AS3MT: variants seen among roughly 807,000 people sequenced by gnomAD.
The protein encoded by AS3MT is S-adenosyl-L-methionine:arsenic(III) methyltransferase.
In AS3MT, 47 loss-of-function variants were observed where a neutral mutation model predicts 45.3. The ratio of observed to expected loss-of-function variants is 1.04; its 90% CI spans 0.82 to 1.32. AS3MT has a LOEUF of 1.32. Among genes scored for constraint, AS3MT ranks in the 40% most tolerant of loss-of-function variants. The pLI, the probability that AS3MT is intolerant of heterozygous loss-of-function variation, is 0.00. For synonymous variants in AS3MT, 141 were observed against 152.8 expected (o/e 0.92, Z 0.57); for missense variants, 396 against 451.1 (o/e 0.88, Z 1.11).
intron 3 of AS3MT, among the ~76,000 whole-genome samples, chr10:102,871,318 G>A (rs1353115029): frequency 6.6e-6 from 1 of 151,816 alleles, no homozygotes; most frequent in Admixed American, 6.6e-5. Flanking sequence ...AGGCCGAGGC[G>A]GGAGGATCAC....
intron 7 of AS3MT, among the ~76,000 whole-genome samples, chr10:102,877,654 C>T (rs1374019524): frequency 6.7e-6 from 1 of 150,284 alleles, no homozygotes; most frequent in East Asian, 1.9e-4. Context: ...AGGAGGATTG[C>T]TTGAGCCTAG....
chr10:102,896,092 G>A (rs547919847), intron 10 of AS3MT, among the ~76,000 whole-genome samples: 1 of 151,666 alleles, frequency 6.6e-6, no homozygotes, highest in Non-Finnish European at 1.5e-5. Context: ...AGCACTTTGG[G>A]AGGCTGAGGC....
At chr10:102,876,608 T>A (rs1844788277) in intron 6 of AS3MT, among the ~76,000 whole-genome samples, 1 of 152,132 alleles carries the variant, frequency 6.6e-6, no homozygotes, top group Non-Finnish European at 1.5e-5. Flanking sequence ...GATAAAAGAT[T>A]ATGAATACTG....
At chr10:102,891,776 TG>T in intron 10 of AS3MT, among the ~76,000 whole-genome samples, 1 of 151,854 alleles carries the variant, frequency 6.6e-6, no homozygotes, top group South Asian at 2.1e-4. Flanking sequence ...GTTGAAACCC[TG>T]TCTCTACCAA....
chr10:102,885,330 T>C (rs933295296), intron 9 of AS3MT, among the ~76,000 whole-genome samples: 2 of 151,262 alleles, frequency 1.3e-5, no homozygotes, highest in African/African-American at 2.4e-5. Context: ...TTTTATTTTA[T>C]TTTATTTTAT....
chr10:102,875,770 G>A (rs913582666), intron 6 of AS3MT, among the ~76,000 whole-genome samples: 5 of 151,938 alleles, frequency 3.3e-5, no homozygotes, highest in African/African-American at 1.2e-4. Context: ...CTACAGGCGT[G>A]TGCCACCATG....
intron 10 of AS3MT, among the ~76,000 whole-genome samples, chr10:102,897,149 C>T (rs1845186340): frequency 6.6e-6 from 1 of 151,976 alleles, no homozygotes; most frequent in African/African-American, 2.4e-5. Context: ...TTTGGGGAGG[C>T]CGAGGCGGGT....
intron 9 of AS3MT, among the ~76,000 whole-genome samples, chr10:102,888,675 C>T (rs1207100033): frequency 6.6e-6 from 1 of 151,830 alleles, no homozygotes; most frequent in Non-Finnish European, 1.5e-5. Context: ...CTCGCCCTGG[C>T]CTACCAAAGT....
intron 10 of AS3MT, among the ~76,000 whole-genome samples, chr10:102,895,784 T>TC (rs1845158680): frequency 6.6e-6 from 1 of 151,818 alleles, no homozygotes; most frequent in Non-Finnish European, 1.5e-5. Context: ...CCAGCTTTTT[T>TC]TTTTTTTTGA....
Position 102,890,637 on chromosome 10 carries a change from A to G in AS3MT, c.979A>G (p.Lys327Glu). 6.2e-7 allele frequency: 1 copy of G among 1,613,666 alleles called. No homozygotes were observed. The highest frequency in any genetic ancestry group is 1.3e-5 in the African/African-American group (1 of 75,020). ...QDFLIRPIGE[K>E]LPTSGGCSAL... ...TTTTCTGATCAGACCAATTGGAGAG[A>G]AGTTGCCAACATCTGGAGGCTGTTC... is the stretch of plus-strand genomic sequence containing the variant. The change falls in exon 10 of 11, where the codon AAG (lysine) becomes GAG (glutamate). Residue 327 changes from lysine to glutamate, a missense_variant. Lys to Glu is a moderately conservative substitution (Grantham distance 56, BLOSUM62 1). Transcript: ENST00000369880.
chr10:102,883,376 T>C (rs1231694217), intron 9 of AS3MT, among the ~76,000 whole-genome samples: 1 of 151,556 alleles, frequency 6.6e-6, no homozygotes. Flanking sequence ...ACTAGGATTA[T>C]AGATGTGAGC....
At chr10:102,871,546 CAAAAAAA>C (rs748797211) in intron 3 of AS3MT, among the ~76,000 whole-genome samples, 358 of 23,190 alleles carry the variant, frequency 0.015, 1 homozygote, top group Admixed American at 0.049. Flanking sequence ...GACTCCGTCT[CAAAAAAA>C]AAAAAAAAAA....
At chr10:102,876,544 T>C (rs1267264474) in intron 6 of AS3MT, among the ~76,000 whole-genome samples, 5 of 152,134 alleles carry the variant, frequency 3.3e-5, no homozygotes, top group Admixed American at 2.0e-4. Context: ...TCCTGAGTCA[T>C]TGGGATTAGA....
In AS3MT at chr10:102,900,931, A is replaced by G. The variant is rs10883798; in HGVS notation, c.*231A>G. The G allele has an allele frequency of 0.11, 40,966 of 382,818 alleles. 3,009 individuals are homozygous for G. Among genetic ancestry groups the G allele is most frequent in the East Asian group, 0.27 (5,218 of 19,374 alleles). The allele number at this position is 382,818 out of a possible 1,614,324, so 23.7% of individuals were successfully genotyped here. On this transcript the variant is annotated 3_prime_UTR_variant, in exon 11 of 11. Transcript: ENST00000369880. ...AAATCCTGTCTCTACCAAAAATACA[A>G]AAAAAATTAGCTGGGCATGGTGGTG...
intron 9 of AS3MT, among the ~76,000 whole-genome samples, chr10:102,879,598 T>C (rs1230155745): frequency 6.6e-6 from 1 of 151,722 alleles, no homozygotes; most frequent in Non-Finnish European, 1.5e-5. Flanking sequence ...AAAACCCATC[T>C]CTACTAATAA....
At chr10:102,888,668 G>A (rs916864805) in intron 9 of AS3MT, among the ~76,000 whole-genome samples, 5 of 151,598 alleles carry the variant, frequency 3.3e-5, no homozygotes, top group African/African-American at 1.2e-4. Context: ...TGATCCACTC[G>A]CCCTGGCCTA....
intron 9 of AS3MT, among the ~76,000 whole-genome samples, chr10:102,888,786 T>C (rs1845001687): frequency 1.3e-5 from 2 of 150,512 alleles, no homozygotes; most frequent in South Asian, 2.1e-4. Context: ...ATATACAATA[T>C]ATTATTGTAA....
chr10:102,888,515 G>A (rs190901488), intron 9 of AS3MT, among the ~76,000 whole-genome samples: 16 of 151,694 alleles, frequency 1.1e-4, no homozygotes, highest in Non-Finnish European at 2.1e-4. Flanking sequence ...TCCACCTCCC[G>A]GGTTCAAGCA....
intron 10 of AS3MT, among the ~76,000 whole-genome samples, chr10:102,900,193 G>A (rs775033635): frequency 2.0e-5 from 3 of 152,206 alleles, no homozygotes; most frequent in Non-Finnish European, 2.9e-5. Context: ...CTACATCTGG[G>A]ACTCACTTTC....
Sources: allele counts gnomAD v4.1 joint callset (sites outside exome capture counted in the v4.1 genomes callset), GRCh38; gene constraint gnomAD v4.1.1; transcripts MANE v1.5; gene names NCBI Gene and HGNC (gene_info 2026-07-23, HGNC 2026-07-21).